Variants in LIPK observed in about 807,000 individuals in gnomAD.
LIPK encodes the protein lipase member K.
A neutral mutation model predicts 48.6 loss-of-function variants in LIPK; 32 were observed. That is an observed-to-expected ratio of 0.66 (90% CI 0.50 to 0.88). The LOEUF (loss-of-function observed/expected upper bound fraction) is 0.88. Ranked by LOEUF, LIPK falls within the 40% of genes least tolerant of loss-of-function variation. LIPK has a pLI of 0.00. For synonymous variants in LIPK, 164 were observed against 157.4 expected (o/e 1.04, Z -0.32); for missense variants, 507 against 478.5 (o/e 1.06, Z -0.56).
chr10:88,746,546 A>C lies in LIPK; in HGVS notation c.960+3225A>C, dbSNP rs114340976. 4.6e-3 allele frequency among the ~76,000 whole-genome samples: 694 copies of C among 152,318 alleles called. 3 individuals carry two copies. Among genetic ancestry groups the C allele is most frequent in the African/African-American group, 0.016 (659 of 41,578 alleles). Reference sequence around the variant, plus strand: ...GGGTAAATAATGAAACACAGGCAGAAATCAAGAAATTCTTTGAAACTAATG... The same window carrying C: ...GGGTAAATAATGAAACACAGGCAGACATCAAGAAATTCTTTGAAACTAATG... On this transcript the variant is annotated intron_variant, in intron 9 of 9. Coordinates refer to ENST00000404190, the MANE Select transcript of LIPK (RefSeq NM_001080518.2).
intron 1 of LIPK, among the ~76,000 whole-genome samples, chr10:88,723,402 T>G (rs978353810): frequency 6.6e-6 from 1 of 152,154 alleles, no homozygotes; most frequent in Non-Finnish European, 1.5e-5. Flanking sequence ...TGTCAATATA[T>G]TATATTACTA....
intron 1 of LIPK, among the ~76,000 whole-genome samples, 51 bp downstream of exon 1, chr10:88,706,371 G>T (rs780636119): frequency 2.6e-5 from 4 of 152,160 alleles, no homozygotes; most frequent in Non-Finnish European, 4.4e-5. Context: ...GTATTAGTGA[G>T]ACATAGGAAA....
At chr10:88,751,686 C>T (rs1933915744) in intron 9 of LIPK, among the ~76,000 whole-genome samples, 1 of 151,830 alleles carries the variant, frequency 6.6e-6, no homozygotes. Context: ...TGGGGATATG[C>T]CACACACACA....
chr10:88,712,255 T>C (rs1842040234), intron 1 of LIPK, among the ~76,000 whole-genome samples: 1 of 152,224 alleles, frequency 6.6e-6, no homozygotes. Flanking sequence ...ATGATGACTC[T>C]GAACTCTCTC....
intron 1 of LIPK, among the ~76,000 whole-genome samples, chr10:88,710,953 A>G (rs1054485681): frequency 1.3e-5 from 2 of 152,130 alleles, no homozygotes; most frequent in African/African-American, 4.8e-5. Flanking sequence ...GTAGCTCCTC[A>G]TCTTCCCCAA....
rs201296908 is a variant in LIPK at position 88,732,540 on chromosome 10, C to T, written c.658C>T (p.Arg220Ter). Reference sequence around the variant, plus strand: ...GAAAAAACTAACAACCCTTTCCAGGCGAGTAGTTAAGGTATGTGACTTCCC... The same window carrying T: ...GAAAAAACTAACAACCCTTTCCAGGTGAGTAGTTAAGGTATGTGACTTCCC... Reference protein sequence around the residue: ...PMKKLTTLSRRVVKVLFGDKM... With the variant: ...PMKKLTTLSR Residue 220 changes from arginine (R) to a stop codon, truncating the protein, a stop_gained, in exon 6 of 10, where the codon CGA becomes TGA. Coordinates refer to ENST00000404190, the MANE Select transcript of LIPK (RefSeq NM_001080518.2). LOFTEE classifies it high-confidence loss of function. 1.1e-3 allele frequency: 1,845 copies of T among 1,609,108 alleles called. 9 individuals carry two copies. The highest frequency in any genetic ancestry group is 9.6e-4 in the Non-Finnish European group (1,134 of 1,178,648).
intron 1 of LIPK, among the ~76,000 whole-genome samples, chr10:88,718,352 T>C (rs1393409142): frequency 6.7e-6 from 1 of 148,500 alleles, no homozygotes; most frequent in Admixed American, 6.7e-5. Context: ...AAATTTTATA[T>C]ATATACTTTA....
chr10:88,721,131 CAT>C (rs1564976663), intron 1 of LIPK, among the ~76,000 whole-genome samples: 1 of 9,126 alleles, frequency 1.1e-4, no homozygotes, highest in Non-Finnish European at 1.4e-4. Flanking sequence ...TCCTTATATG[CAT>C]TAGCATATAA....
intron 1 of LIPK, among the ~76,000 whole-genome samples, chr10:88,706,565 A>G (rs1841939333): frequency 6.6e-6 from 1 of 152,130 alleles, no homozygotes; most frequent in South Asian, 2.1e-4. Flanking sequence ...ACTATATTTG[A>G]ACCTCAGTGA....
chr10:88,731,021 G>A lies in LIPK; in HGVS notation c.262G>A (p.Ala88Thr), dbSNP rs1389710840. The change falls in exon 4 of 10, where the codon GCA (alanine) becomes ACA (threonine). Residue 88 changes from alanine (A) to threonine (T), a missense_variant. Ala to Thr is a moderately conservative substitution (Grantham distance 58). Coordinates refer to ENST00000404190, the MANE Select transcript of LIPK (RefSeq NM_001080518.2). ...TGTGTATTTGCAGCATGGCTTAATT[G>A]CATCTGCCAGTAACTGGATTTGCAA... ...PAVYLQHGLI[A>T]SASNWICNLP... 6.3e-7 allele frequency: 1 copy of A among 1,595,186 alleles called. No homozygotes were observed. The highest frequency in any genetic ancestry group is 1.7e-4 in the Middle Eastern group (1 of 6,034).
intron 1 of LIPK, among the ~76,000 whole-genome samples, chr10:88,707,014 C>T (rs1841948114): frequency 6.6e-6 from 1 of 152,106 alleles, no homozygotes; most frequent in African/African-American, 2.4e-5. Context: ...GATGAGTCAA[C>T]TGGATGGACT....
chr10:88,746,767 A>G (rs529933843), intron 9 of LIPK, among the ~76,000 whole-genome samples: 2 of 152,304 alleles, frequency 1.3e-5, no homozygotes, highest in African/African-American at 4.8e-5. Context: ...AACCAAAATT[A>G]CAGCTTAACT....
At chr10:88,723,612 T>G (rs1460638322) in intron 1 of LIPK, among the ~76,000 whole-genome samples, 1 of 152,152 alleles carries the variant, frequency 6.6e-6, no homozygotes, top group Non-Finnish European at 1.5e-5. Flanking sequence ...CTCCACAATG[T>G]TCACAATTTT....
chr10:88,730,149 G>A (rs886827335), intron 3 of LIPK, among the ~76,000 whole-genome samples: 1 of 151,956 alleles, frequency 6.6e-6, no homozygotes, highest in African/African-American at 2.4e-5. Flanking sequence ...TTCAACAAAT[G>A]GCATTTTAAT....
rs182929129 is a variant in LIPK at position 88,747,227 on chromosome 10, A to T, written c.960+3906A>T. On this transcript the variant is annotated intron_variant, in intron 9 of 9. Coordinates refer to ENST00000404190, the MANE Select transcript of LIPK (RefSeq NM_001080518.2). Reference sequence around the variant, plus strand: ...CAATCTTATTGAAATAATTCCAAAAAATCGAGGAGGAGGGACTCTTCTCTA... The same window carrying T: ...CAATCTTATTGAAATAATTCCAAAATATCGAGGAGGAGGGACTCTTCTCTA... Among the ~76,000 whole-genome samples, 10 of 152,296 alleles carry T rather than the reference A, an allele frequency of 6.6e-5. No individual in the cohort carries two copies. The East Asian group carries it at 1.5e-3, about 23-fold the overall frequency.
At chr10:88,730,241 C>T (rs1770997326) in intron 3 of LIPK, among the ~76,000 whole-genome samples, 1 of 152,012 alleles carries the variant, frequency 6.6e-6, no homozygotes, top group Non-Finnish European at 1.5e-5. Flanking sequence ...ATATAAGTAA[C>T]AGTAATAGAG....
chr10:88,750,317 G>T (rs972538308), intron 9 of LIPK, among the ~76,000 whole-genome samples: 5 of 152,020 alleles, frequency 3.3e-5, no homozygotes, highest in African/African-American at 1.2e-4. Context: ...ATACTCAAAG[G>T]AATATAAATC....
At chr10:88,726,346 C>T (rs1051256856) in intron 2 of LIPK, among the ~76,000 whole-genome samples, 1 of 152,196 alleles carries the variant, frequency 6.6e-6, no homozygotes, top group African/African-American at 2.4e-5. Context: ...AGGAATATTA[C>T]ATGCCGTCAC....
chr10:88,747,540 A>C (rs912596793), intron 9 of LIPK, among the ~76,000 whole-genome samples: 4 of 152,186 alleles, frequency 2.6e-5, no homozygotes, highest in African/African-American at 9.7e-5. Flanking sequence ...CAATAGACAC[A>C]GAAAAGACTC....
Sources: allele counts gnomAD v4.1 joint callset (sites outside exome capture counted in the v4.1 genomes callset), GRCh38; gene constraint gnomAD v4.1.1; transcripts MANE v1.5; gene names NCBI Gene and HGNC (gene_info 2026-07-23, HGNC 2026-07-21).